Variants in RBFOX1 observed in about 807,000 individuals in gnomAD.
RBFOX1 encodes RNA binding fox-1 homolog 1.
RBFOX1 carries 8 observed loss-of-function variants against 57.7 expected under a neutral mutation model. The ratio of observed to expected loss-of-function variants is 0.14; its 90% CI spans 0.08 to 0.25. The LOEUF (loss-of-function observed/expected upper bound fraction) is 0.25, where lower values mean the gene tolerates loss of function less well. RBFOX1 is among the 10% of genes least tolerant of loss of function. The pLI is 1.00. For synonymous variants in RBFOX1, 326 were observed against 222.4 expected (o/e 1.47, Z -4.15); for missense variants, 611 against 548.5 (o/e 1.11, Z -1.14).
At chr16:7,248,041 TAA>T (rs894827575) in intron 4 of RBFOX1, among the ~76,000 whole-genome samples, 6 of 152,056 alleles carry the variant, frequency 3.9e-5, no homozygotes, top group African/African-American at 1.4e-4. Flanking sequence ...GAACCTAAAA[TAA>T]AAGTTAACCT....
intron 4 of RBFOX1, among the ~76,000 whole-genome samples, chr16:7,169,800 T>G (rs1262058826): frequency 7.2e-6 from 1 of 138,110 alleles, no homozygotes; most frequent in Non-Finnish European, 1.5e-5. Flanking sequence ...CAGGGTGCAG[T>G]GGCTCATGCC....
intron 4 of RBFOX1, among the ~76,000 whole-genome samples, chr16:7,458,659 C>T (rs1284952569): frequency 6.6e-6 from 1 of 152,080 alleles, no homozygotes; most frequent in Non-Finnish European, 1.5e-5. Context: ...ACCACTATGT[C>T]TTTTGTCTAG....
At position 6,707,897 on chromosome 16, in the gene RBFOX1, G is replaced by C. The variant is rs576021033; in HGVS notation, c.-16+53247G>C. 2.6e-5 allele frequency among the ~76,000 whole-genome samples: 4 copies of C among 152,358 alleles called. No individual in the cohort carries two copies. The East Asian group carries it at 7.7e-4, about 29-fold the overall frequency. Reference sequence around the variant, plus strand: ...AACTCTTGGATGTGCTCCTCTGTGAGAGAGGGACTTAGGGGAAGATTCAGG... The same window carrying C: ...AACTCTTGGATGTGCTCCTCTGTGACAGAGGGACTTAGGGGAAGATTCAGG... On this transcript the variant is annotated intron_variant, in intron 3 of 15. Transcript: ENST00000550418.
At chr16:7,311,478 CTTTTTT>C (rs1190746565) in intron 4 of RBFOX1, among the ~76,000 whole-genome samples, 5 of 122,508 alleles carry the variant, frequency 4.1e-5, no homozygotes, top group Non-Finnish European at 6.5e-5. Flanking sequence ...TGAGCCTTTT[CTTTTTT>C]TTTTTTTTTT....
intron 2 of RBFOX1, among the ~76,000 whole-genome samples, chr16:6,595,145 T>C (rs1050983546): frequency 6.6e-6 from 1 of 152,144 alleles, no homozygotes; most frequent in African/African-American, 2.4e-5. Context: ...CATCAGCGCA[T>C]TCTAAATTTA....
intron 3 of RBFOX1, among the ~76,000 whole-genome samples, chr16:6,799,317 C>T (rs964991804): frequency 6.6e-6 from 1 of 152,070 alleles, no homozygotes; most frequent in Admixed American, 6.6e-5. Context: ...AGCTACTTAT[C>T]ATTATATGCT....
At chr16:5,640,267 T>C (rs2048814598) in intron 3 of RBFOX1, among the ~76,000 whole-genome samples, 1 of 152,194 alleles carries the variant, frequency 6.6e-6, no homozygotes, top group Non-Finnish European at 1.5e-5. Flanking sequence ...GCGTTCACTT[T>C]AGCCATCGGT....
intron 4 of RBFOX1, among the ~76,000 whole-genome samples, chr16:7,069,487 G>A (rs2056869583): frequency 6.6e-6 from 1 of 152,292 alleles, no homozygotes; most frequent in African/African-American, 2.4e-5. Flanking sequence ...TGAGGATAAT[G>A]GCTTCCAGCT....
rs1191342115 is a variant in RBFOX1 at position 5,394,805 on chromosome 16, T to G, written c.220-72411T>G. Among the ~76,000 whole-genome samples the G allele has an allele frequency of 2.0e-5, 3 of 152,124 alleles. No homozygotes were observed. The South Asian group carries it at 6.2e-4, about 32-fold the overall frequency. ...CTCACGCAGTCTGCCCCACCTTGGC[T>G]TCCCAAAATACTGGGATTACAGGTT... On this transcript the variant is annotated intron_variant, in intron 1 of 2. Coordinates refer to the RBFOX1 transcript ENST00000585867.
At chr16:6,226,387 A>AAC (rs1555563453) in intron 1 of RBFOX1, among the ~76,000 whole-genome samples, 2 of 150,968 alleles carry the variant, frequency 1.3e-5, no homozygotes, top group Non-Finnish European at 1.5e-5. Context: ...AAAAAAAAAA[A>AAC]AAAACAAAAA....
chr16:6,548,470 A>T (rs2096925831), intron 2 of RBFOX1, among the ~76,000 whole-genome samples: 1 of 152,198 alleles, frequency 6.6e-6, no homozygotes. Flanking sequence ...ACAAGGTTAC[A>T]AGGATGTTTA....
intron 1 of RBFOX1, among the ~76,000 whole-genome samples, chr16:6,183,282 C>T (rs565554711): frequency 3.9e-4 from 59 of 151,918 alleles, no homozygotes; most frequent in African/African-American, 1.3e-3. Context: ...AGATCGAGAC[C>T]ATCCTGGGTA....
At chr16:6,611,745 G>A (rs1253154277) in intron 2 of RBFOX1, among the ~76,000 whole-genome samples, 1 of 152,126 alleles carries the variant, frequency 6.6e-6, no homozygotes, top group Non-Finnish European at 1.5e-5. Flanking sequence ...TGGAAACTCT[G>A]AATGCAGGAG....
At chr16:6,773,170 TTGTG>T (rs746551090) in intron 3 of RBFOX1, among the ~76,000 whole-genome samples, 8 of 25,508 alleles carry the variant, frequency 3.1e-4, no homozygotes, top group Non-Finnish European at 4.3e-4. Context: ...TGGGGTGCAT[TTGTG>T]TGTGTGTGTG....
chr16:7,273,035 T>C (rs2095359134), intron 4 of RBFOX1, among the ~76,000 whole-genome samples: 1 of 123,508 alleles, frequency 8.1e-6, no homozygotes, highest in Non-Finnish European at 1.7e-5. Flanking sequence ...TCCTTTTCTT[T>C]CCTTCCCCTC....
At chr16:5,710,177 A>C (rs1596885762) in intron 3 of RBFOX1, among the ~76,000 whole-genome samples, 1 of 152,088 alleles carries the variant, frequency 6.6e-6, no homozygotes, top group South Asian at 2.1e-4. Flanking sequence ...TTTAGAGCCA[A>C]GGGTTATATG....
At chr16:5,697,819 TGACATTAGTGG>T (rs2151475227) in intron 3 of RBFOX1, among the ~76,000 whole-genome samples, 1 of 152,292 alleles carries the variant, frequency 6.6e-6, no homozygotes, top group South Asian at 2.1e-4. Context: ...TTTCCATCCC[TGACATTAGTGG>T]GAGTCCATCT....
At chr16:5,943,597 C>G (rs754004599) in intron 4 of RBFOX1, among the ~76,000 whole-genome samples, 75 of 152,178 alleles carry the variant, frequency 4.9e-4, no homozygotes, top group Non-Finnish European at 9.7e-4. Flanking sequence ...TTTGGGTCAA[C>G]TTGGCCAAGG....
intron 3 of RBFOX1, among the ~76,000 whole-genome samples, chr16:6,807,311 A>G (rs2087093449): frequency 6.6e-6 from 1 of 152,108 alleles, no homozygotes; most frequent in Non-Finnish European, 1.5e-5. Context: ...TCTAGGGCAT[A>G]CAATGAAGAG....
Sources: allele counts gnomAD v4.1 joint callset (sites outside exome capture counted in the v4.1 genomes callset), GRCh38; gene constraint gnomAD v4.1.1; transcripts MANE v1.5; gene names NCBI Gene and HGNC (gene_info 2026-07-23, HGNC 2026-07-21).